Variants in LRRC7 observed in about 807,000 individuals in gnomAD.
The protein encoded by LRRC7 is leucine rich repeat containing 7, also known as leucine-rich repeat-containing protein 7.
Under a neutral mutation model 175.7 loss-of-function variants are expected in LRRC7, and 23 were observed. That is an observed-to-expected ratio of 0.13 (90% CI 0.09 to 0.19). The LOEUF (loss-of-function observed/expected upper bound fraction) is 0.19, where lower values mean the gene tolerates loss of function less well. Ranked by LOEUF, LRRC7 falls within the 10% of genes least tolerant of loss-of-function variation. LRRC7 has a pLI of 1.00. For missense variants in LRRC7, 1,354 were observed against 1,904.7 expected, an observed-to-expected ratio of 0.71 and a Z score of 5.38; for synonymous variants, 685 against 680.9, an observed-to-expected ratio of 1.01 and a Z score of -0.09.
At chr1:69,732,080 A>G (rs1350921779) in intron 2 of LRRC7, among the ~76,000 whole-genome samples, 1 of 152,142 alleles carries the variant, frequency 6.6e-6, no homozygotes, top group Admixed American at 6.6e-5. Flanking sequence ...AACATGAAAT[A>G]AAAAAGGAAA....
chr1:69,590,854 G>T (rs1334244124), intron 1 of LRRC7, among the ~76,000 whole-genome samples: 2 of 152,050 alleles, frequency 1.3e-5, no homozygotes, highest in African/African-American at 4.8e-5. Context: ...TAGAAATGTA[G>T]CCTCTCTGAG....
chr1:69,822,465 G>A (rs1171598169), intron 4 of LRRC7, among the ~76,000 whole-genome samples: 1 of 152,156 alleles, frequency 6.6e-6, no homozygotes, highest in Non-Finnish European at 1.5e-5. Flanking sequence ...GAGAATAGTA[G>A]AATATACAGC....
chr1:69,636,697 T>G (rs1653414803), intron 1 of LRRC7, among the ~76,000 whole-genome samples: 1 of 151,964 alleles, frequency 6.6e-6, no homozygotes, highest in Non-Finnish European at 1.5e-5. Context: ...ATTTCGGTAT[T>G]CCTCATTTGT....
chr1:70,119,230 T>C (rs1164309646), intron 26 of LRRC7, among the ~76,000 whole-genome samples: 2 of 152,110 alleles, frequency 1.3e-5, no homozygotes, highest in African/African-American at 4.8e-5. Context: ...ACACTTGTTC[T>C]ATGCCTCAGT....
In LRRC7 at chr1:70,122,059, A is replaced by G. The variant is rs1160371713; in HGVS notation, c.*172A>G. ...CTTAAAAAATGTTAACTCTATAAAT[A>G]TGATGTTCATGTGGTTATGTATTAG... On this transcript the variant is annotated 3_prime_UTR_variant, in exon 27 of 27. Coordinates refer to ENST00000651989, the MANE Select transcript of LRRC7 (RefSeq NM_001370785.2). 2.0e-5 allele frequency: 10 copies of G among 489,384 alleles called. No homozygotes were observed. In the East Asian group the frequency reaches 2.4e-4, roughly 12 times the overall value. The allele number at this position is 489,384 out of a possible 1,614,324, so 30.3% of individuals were successfully genotyped here.
At chr1:69,724,185 CTT>C (rs1284449409) in intron 2 of LRRC7, among the ~76,000 whole-genome samples, 8 of 152,110 alleles carry the variant, frequency 5.3e-5, no homozygotes, top group Non-Finnish European at 1.2e-4. Context: ...GTACTCATCT[CTT>C]AATATTGTCT....
At chr1:69,620,753 T>A (rs562935590) in intron 1 of LRRC7, among the ~76,000 whole-genome samples, 1 of 152,354 alleles carries the variant, frequency 6.6e-6, no homozygotes, top group East Asian at 1.9e-4. Context: ...TCCTATTCAT[T>A]TCTACTGGAT....
intron 2 of LRRC7, among the ~76,000 whole-genome samples, chr1:69,681,453 T>G (rs934465009): frequency 3.3e-5 from 5 of 152,178 alleles, no homozygotes; most frequent in Admixed American, 6.5e-5. Flanking sequence ...TCTTTTATAA[T>G]TCTCTATACC....
intron 1 of LRRC7, among the ~76,000 whole-genome samples, chr1:69,643,247 T>G (rs982911473): frequency 3.3e-5 from 5 of 152,126 alleles, no homozygotes; most frequent in South Asian, 4.1e-4. Flanking sequence ...CTTAGTCTAC[T>G]GATTGAAATA....
intron 23 of LRRC7, among the ~76,000 whole-genome samples, chr1:70,075,477 G>C (rs1452765291): frequency 6.6e-6 from 1 of 152,190 alleles, no homozygotes; most frequent in Non-Finnish European, 1.5e-5. Context: ...CTCATGACTA[G>C]ATGATCTTCT....
At chr1:69,913,580 C>T (rs764051608) in intron 7 of LRRC7, among the ~76,000 whole-genome samples, 6 of 151,950 alleles carry the variant, frequency 3.9e-5, no homozygotes, top group South Asian at 2.1e-4. Flanking sequence ...GGTGCGATCT[C>T]GGCTCACTGC....
chr1:70,106,253 G>A (rs1029213365), intron 25 of LRRC7, among the ~76,000 whole-genome samples: 5 of 152,028 alleles, frequency 3.3e-5, no homozygotes, highest in African/African-American at 4.8e-5. Flanking sequence ...TCTAATTTCA[G>A]AACATTTTTA....
At chr1:69,617,547 T>TAAAAAAAAAAAAAAAAAAAAAAAAAAA (rs11473590) in intron 1 of LRRC7, among the ~76,000 whole-genome samples, 7 of 62,006 alleles carry the variant, frequency 1.1e-4, no homozygotes, top group Non-Finnish European at 1.8e-4. Context: ...ATACTCACAG[T>TAAAAAAAAAAAAAAAAAAAAAAAAAAA]AAAAAAAAAA....
chr1:69,728,548 T>C (rs982238384), intron 2 of LRRC7, among the ~76,000 whole-genome samples: 4 of 152,204 alleles, frequency 2.6e-5, no homozygotes, highest in Admixed American at 6.5e-5. Flanking sequence ...TCTGCCATTG[T>C]GGAGAGTAAG....
intron 2 of LRRC7, among the ~76,000 whole-genome samples, chr1:69,717,770 AAAAGAAAGAAAG>A (rs754971717): frequency 0.03 from 1,253 of 42,290 alleles, 106 homozygotes; most frequent in Non-Finnish European, 0.04. Flanking sequence ...AAAAAAGAAA[AAAAGAAAGAAAG>A]AAAGAAAGAA....
intron 3 of LRRC7, among the ~76,000 whole-genome samples, chr1:69,782,378 C>T (rs1354610601): frequency 6.6e-6 from 1 of 152,218 alleles, no homozygotes; most frequent in Non-Finnish European, 1.5e-5. Flanking sequence ...TATAACCGTA[C>T]AGAACACTAC....
intron 7 of LRRC7, among the ~76,000 whole-genome samples, chr1:69,845,514 G>A (rs1682259908): frequency 6.6e-6 from 1 of 151,398 alleles, no homozygotes; most frequent in Non-Finnish European, 1.5e-5. Flanking sequence ...GATTTGTTAT[G>A]TTTTCTTTTT....
In LRRC7 at chr1:69,834,681, T is replaced by C. The variant is rs539602800; in HGVS notation, c.501-99T>C. On this transcript the variant is annotated intron_variant, in intron 5 of 26. Transcript: ENST00000651989. ...AATACCAAAGGAGAGTTGAAAAATGTATTACATTTCTATTTTTTCTCCTCA... is the reference window on the plus strand; with the variant it reads ...AATACCAAAGGAGAGTTGAAAAATGCATTACATTTCTATTTTTTCTCCTCA... 4.3e-6 allele frequency: 4 copies of C among 919,770 alleles called. No individual in the cohort carries two copies. In the African/African-American group the frequency reaches 6.8e-5, roughly 16 times the overall value. The allele number at this position is 919,770 out of a possible 1,614,324, so 57.0% of individuals were successfully genotyped here.
intron 1 of LRRC7, among the ~76,000 whole-genome samples, chr1:69,569,595 G>T (rs1326904881): frequency 6.6e-6 from 1 of 151,276 alleles, no homozygotes; most frequent in Non-Finnish European, 1.5e-5. Context: ...GGGGGCGGGG[G>T]TTGGGGGACT....
Sources: gnomAD v4.1 joint callset for allele counts (sites outside exome capture counted in the v4.1 genomes callset) on GRCh38, gnomAD v4.1.1 for gene constraint, MANE v1.5 for transcripts, NCBI Gene and HGNC (gene_info 2026-07-23, HGNC 2026-07-21) for gene names.